Variants in KNTC1 observed in about 807,000 individuals in gnomAD.
KNTC1 encodes kinetochore associated 1.
Under a neutral mutation model 314.4 loss-of-function variants are expected in KNTC1, and 253 were observed. The ratio of observed to expected loss-of-function variants is 0.80; its 90% CI spans 0.73 to 0.89. KNTC1 has a LOEUF of 0.89. Ranked by LOEUF, KNTC1 falls within the 40% of genes least tolerant of loss-of-function variation. The pLI is 0.00. For synonymous variants in KNTC1, 901 were observed against 901.4 expected, an observed-to-expected ratio of 1.00 and a Z score of 0.01; for missense variants, 2,475 against 2,572.9, an observed-to-expected ratio of 0.96 and a Z score of 0.82.
intron 51 of KNTC1, among the ~76,000 whole-genome samples, chr12:122,605,652 T>A (rs1028819750): frequency 6.6e-6 from 1 of 152,108 alleles, no homozygotes; most frequent in African/African-American, 2.4e-5. Context: ...TGCAAGTGAT[T>A]CTCCTGCCTC....
rs768043860 is a variant in KNTC1, at chr12:122,603,059, A to G, written c.4917A>G (p.Ala1639=). The G allele has an allele frequency of 1.2e-6, 2 of 1,613,850 alleles. No homozygotes were observed. Among genetic ancestry groups the G allele is most frequent in the Non-Finnish European group, 1.7e-6 (2 of 1,179,828 alleles). The stretch of plus-strand genomic sequence containing the variant: ...TGGACACTCTGTACGTGTCTACAGC[A>G]AAACACGTTTTCGAAAAAAAACTGA... ...FSLDTLYVST[A]KHVFEKKLKP... is the part of the protein sequence containing the mutation. The change falls in exon 48 of 64, where the codon GCA becomes GCG. Residue 1639 remains alanine (A), a synonymous_variant. Coordinates refer to ENST00000333479, the MANE Select transcript of KNTC1 (RefSeq NM_014708.6).
At chr12:122,559,577 A>T (rs563762149) in intron 18 of KNTC1, among the ~76,000 whole-genome samples, 73 of 74,968 alleles carry the variant, frequency 9.7e-4, no homozygotes, top group Admixed American at 7.9e-3. Flanking sequence ...TTTAAAAAAA[A>T]ATATTTTATT....
chr12:122,547,164 C>G (rs1163300039), intron 10 of KNTC1, among the ~76,000 whole-genome samples: 1 of 151,826 alleles, frequency 6.6e-6, no homozygotes, highest in Non-Finnish European at 1.5e-5. Context: ...ATTAAGAAGA[C>G]ACGTAGGCTA....
chr12:122,583,113 C>T (rs180962880), intron 34 of KNTC1, 128 bp downstream of exon 34: 1 of 809,258 alleles, frequency 1.2e-6, no homozygotes, highest in East Asian at 2.7e-5. Flanking sequence ...AGATCAAGAC[C>T]ATCCTGGCTA....
rs549748768 is a variant in KNTC1, at chr12:122,537,569, C to G, written c.251-770C>G. 1.8e-3 allele frequency among the ~76,000 whole-genome samples: 280 copies of G among 152,120 alleles called. 4 individuals are homozygous for G. Among genetic ancestry groups the G allele is most frequent in the African/African-American group, 6.5e-3 (269 of 41,508 alleles). On this transcript the variant is annotated intron_variant, in intron 3 of 63. Transcript: ENST00000333479. Reference sequence around the variant, plus strand: ...GAGTAGACTGGATTACAGGCACATGCCACCATGTCCGGCTAATTTTATATT... The same window carrying G: ...GAGTAGACTGGATTACAGGCACATGGCACCATGTCCGGCTAATTTTATATT...
intron 62 of KNTC1, 79 bp downstream of exon 62, chr12:122,622,686 C>G: frequency 8.5e-7 from 1 of 1,180,740 alleles, no homozygotes; most frequent in Non-Finnish European, 1.2e-6. Flanking sequence ...CGATGGCTCA[C>G]GACTGTAATC....
intron 11 of KNTC1, 147 bp from the exon 12 acceptor site, chr12:122,547,768 A>G (rs1021283508): frequency 3.3e-6 from 2 of 609,478 alleles, no homozygotes; most frequent in African/African-American, 3.7e-5. Context: ...TACAGTGTCT[A>G]TTACATTTTA....
At chr12:122,577,213 G>C (rs556896567) in intron 30 of KNTC1, among the ~76,000 whole-genome samples, 184 bp downstream of exon 30, 3 of 152,106 alleles carry the variant, frequency 2.0e-5, no homozygotes, top group Non-Finnish European at 4.4e-5. Flanking sequence ...GCCTCCCAAA[G>C]TGCTGAGATT....
chr12:122,583,819 C>CA (rs1405403933), intron 34 of KNTC1, among the ~76,000 whole-genome samples: 1 of 151,320 alleles, frequency 6.6e-6, no homozygotes, highest in Non-Finnish European at 1.5e-5. Context: ...GAGTGAGACT[C>CA]AGTCTCAGAA....
chr12:122,623,262 C>T (rs1874633261), intron 62 of KNTC1, among the ~76,000 whole-genome samples: 1 of 152,134 alleles, frequency 6.6e-6, no homozygotes, highest in Admixed American at 6.6e-5. Flanking sequence ...TTTTCCAGCA[C>T]CCACAAGTTT....
chr12:122,573,295 C>A lies in KNTC1; in HGVS notation c.2283+10C>A, dbSNP rs376345519. 1 of 1,610,136 alleles carries A rather than the reference C, an allele frequency of 6.2e-7. No homozygotes were observed. The highest frequency in any genetic ancestry group is 8.5e-7 in the Non-Finnish European group (1 of 1,177,362). On this transcript the variant is annotated intron_variant, in intron 26 of 63. Transcript: ENST00000333479. ...CTTGCTGTACATAGAGGTAACTTTT[C>A]CTTTACATCTAGTCTTATTTCTTGG...
chr12:122,581,872 T>C (rs760507485), intron 33 of KNTC1, among the ~76,000 whole-genome samples: 6 of 152,252 alleles, frequency 3.9e-5, no homozygotes, highest in Admixed American at 1.3e-4. Context: ...TCAGTGGTGT[T>C]AATTACATTC....
intron 55 of KNTC1, among the ~76,000 whole-genome samples, chr12:122,614,215 T>C (rs1043080624): frequency 6.6e-6 from 1 of 152,196 alleles, no homozygotes; most frequent in Non-Finnish European, 1.5e-5. Context: ...GATAAGGCAG[T>C]GTGGAAGGTC....
At chr12:122,559,026 T>C (rs543364083) in intron 18 of KNTC1, among the ~76,000 whole-genome samples, 1 of 152,312 alleles carries the variant, frequency 6.6e-6, no homozygotes, top group East Asian at 1.9e-4. Flanking sequence ...GTCTCCTTCA[T>C]GTCTGGCTTC....
At chr12:122,541,203 A>T (rs987547947) in intron 5 of KNTC1, among the ~76,000 whole-genome samples, 4 of 151,822 alleles carry the variant, frequency 2.6e-5, no homozygotes, top group African/African-American at 9.7e-5. Context: ...AAAAAACAAA[A>T]AAAAAACCTT....
Position 122,584,420 on chromosome 12 carries a change from G to A in KNTC1, c.3406G>A (p.Ala1136Thr), listed in dbSNP as rs1868934551. 6.2e-7 allele frequency: 1 copy of A among 1,610,544 alleles called. No individual in the cohort carries two copies. The highest frequency in any genetic ancestry group is 1.7e-5 in the Admixed American group (1 of 59,472). Residue 1136 changes from alanine (A) to threonine (T), a missense_variant, in exon 35 of 64, where the codon GCA becomes ACA. Physicochemically the swap from Ala to Thr is moderately conservative, Grantham distance 58. Coordinates refer to ENST00000333479, the MANE Select transcript of KNTC1 (RefSeq NM_014708.6). ...LNLPSMIHDLASQAATICSPD... is the reference protein window; with the variant it reads ...LNLPSMIHDLTSQAATICSPD... Reference sequence around the variant, plus strand: ...TCTTCCTTCCATGATACATGATCTAGCAAGCCAAGCTGCCACCATTTGCAG... The same window carrying A: ...TCTTCCTTCCATGATACATGATCTAACAAGCCAAGCTGCCACCATTTGCAG...
chr12:122,582,594 C>G (rs1163701252), intron 33 of KNTC1, 111 bp from the exon 34 acceptor site: 4 of 1,020,404 alleles, frequency 3.9e-6, no homozygotes, highest in Non-Finnish European at 5.6e-6. Context: ...ACATGTACCC[C>G]TGAATCTAAA....
At chr12:122,541,283 G>GCCTT (rs1326545612) in intron 5 of KNTC1, among the ~76,000 whole-genome samples, 814 of 66,674 alleles carry the variant, frequency 0.012, 13 homozygotes, top group East Asian at 0.041. Context: ...CTGCCTGCCT[G>GCCTT]CCTGCCTTCC....
At chr12:122,608,353 C>T (rs1566013235) in intron 51 of KNTC1, among the ~76,000 whole-genome samples, 1 of 152,166 alleles carries the variant, frequency 6.6e-6, no homozygotes, top group Non-Finnish European at 1.5e-5. Context: ...TGATCTCGAA[C>T]TCCTGAGCTT....
Sources: gnomAD v4.1 joint callset for allele counts (sites outside exome capture counted in the v4.1 genomes callset) on GRCh38, gnomAD v4.1.1 for gene constraint, MANE v1.5 for transcripts, NCBI Gene and HGNC (gene_info 2026-07-23, HGNC 2026-07-21) for gene names.